The following LAMTOR3 variants were observed in gnomAD, a reference collection of about 807,000 sequenced individuals.
The protein encoded by LAMTOR3 is late endosomal/lysosomal adaptor, MAPK and MTOR activator 3.
In LAMTOR3, 14 loss-of-function variants were observed where a neutral mutation model predicts 20.3. That is an observed-to-expected ratio of 0.69 (90% CI 0.46 to 1.08). The LOEUF is 1.08. LAMTOR3 is among the 50% of genes least tolerant of loss of function. The pLI, the probability that LAMTOR3 is intolerant of heterozygous loss-of-function variation, is 0.00. For missense variants in LAMTOR3, 125 were observed against 143.7 expected, an observed-to-expected ratio of 0.87 and a Z score of 0.67; for synonymous variants, 40 against 49.4, an observed-to-expected ratio of 0.81 and a Z score of 0.80.
chr4:99,885,006 A>G (rs1166757198), intron 5 of LAMTOR3, among the ~76,000 whole-genome samples: 1 of 152,156 alleles, frequency 6.6e-6, no homozygotes, highest in Non-Finnish European at 1.5e-5. Flanking sequence ...TCAATTGATT[A>G]GGAAACATCG....
chr4:99,886,430 T>C (rs1206058974), intron 4 of LAMTOR3, among the ~76,000 whole-genome samples: 2 of 152,206 alleles, frequency 1.3e-5, no homozygotes, highest in Non-Finnish European at 2.9e-5. Flanking sequence ...TTTGTTCTTA[T>C]AATGTGTTTG....
intron 2 of LAMTOR3, among the ~76,000 whole-genome samples, chr4:99,893,475 A>G (rs1187374973): frequency 6.6e-6 from 1 of 151,008 alleles, no homozygotes; most frequent in Non-Finnish European, 1.5e-5. Context: ...ATCCTCCTAC[A>G]CACACACACA....
chr4:99,884,794 G>A (rs988155558), intron 5 of LAMTOR3, among the ~76,000 whole-genome samples: 2 of 151,918 alleles, frequency 1.3e-5, no homozygotes, highest in South Asian at 4.2e-4. Context: ...GTGAAAGTCC[G>A]TCTCTACCAA....
intron 3 of LAMTOR3, 23 bp downstream of exon 3, chr4:99,891,977 A>G (rs1725030441): frequency 1.3e-6 from 2 of 1,564,194 alleles, no homozygotes; most frequent in East Asian, 4.8e-5. Flanking sequence ...AATTTATTCA[A>G]TAACAAATTA....
At chr4:99,889,869 A>G (rs1724992511) in intron 3 of LAMTOR3, among the ~76,000 whole-genome samples, 1 of 152,216 alleles carries the variant, frequency 6.6e-6, no homozygotes, top group Non-Finnish European at 1.5e-5. Flanking sequence ...CTTTAAATAC[A>G]ACTAATGCTC....
At chr4:99,889,849 A>G (rs1724992334) in intron 3 of LAMTOR3, among the ~76,000 whole-genome samples, 1 of 152,240 alleles carries the variant, frequency 6.6e-6, no homozygotes, top group African/African-American at 2.4e-5. Context: ...TTAAATTTCC[A>G]TGGAAATTAC....
intron 4 of LAMTOR3, 36 bp downstream of exon 4, chr4:99,887,260 C>A (rs1356206684): frequency 7.1e-7 from 1 of 1,401,736 alleles, no homozygotes; most frequent in Non-Finnish European, 9.8e-7. Context: ...TAGTCAAAAG[C>A]AAAGAAGACA....
chr4:99,891,568 T>C (rs1156604098), intron 3 of LAMTOR3, among the ~76,000 whole-genome samples: 2 of 152,172 alleles, frequency 1.3e-5, no homozygotes, highest in Non-Finnish European at 2.9e-5. Context: ...TAGCAAAGCA[T>C]GTAGTTTTGT....
At position 99,879,219 on chromosome 4, in the gene LAMTOR3, C is replaced by G. The variant is rs190490044; in HGVS notation, c.*2775G>C. ...AGTCTTTTTTCTGGGTGAGTACATACCATTGATATCTAGTTGTGCATTCAG... is the reference window on the plus strand; with the variant it reads ...AGTCTTTTTTCTGGGTGAGTACATAGCATTGATATCTAGTTGTGCATTCAG... On this transcript the variant is annotated 3_prime_UTR_variant, in exon 7 of 7. Coordinates refer to ENST00000499666, the MANE Select transcript of LAMTOR3 (RefSeq NM_021970.4). The G allele has an allele frequency of 1.1e-4, 16 of 152,230 alleles. No homozygotes were observed. The highest frequency in any genetic ancestry group is 3.6e-4 in the African/African-American group (15 of 41,530). 9.4% of individuals were successfully genotyped at this position (152,230 alleles called of 1,614,324 possible).
intron 2 of LAMTOR3, 144 bp downstream of exon 2, chr4:99,893,811 T>C (rs962220234): frequency 1.6e-5 from 9 of 549,140 alleles, no homozygotes; most frequent in East Asian, 3.1e-5. Flanking sequence ...CCACTTCAGA[T>C]ATCAGAGAAA....
At chr4:99,885,131 AT>A (rs1344504171) in intron 5 of LAMTOR3, among the ~76,000 whole-genome samples, 4 of 152,182 alleles carry the variant, frequency 2.6e-5, no homozygotes, top group African/African-American at 7.2e-5. Flanking sequence ...TTTATTACAT[AT>A]ATATATTTCC....
rs1316374836 is a variant in LAMTOR3, at chr4:99,879,624, A to C, written c.*2370T>G. On this transcript the variant is annotated 3_prime_UTR_variant, in exon 7 of 7. Transcript: ENST00000499666. ...TATTTCAATTGTAACAATTAACTACAGTCATGTGTTACGTAACAATGTGGA... is the reference window on the plus strand; with the variant it reads ...TATTTCAATTGTAACAATTAACTACCGTCATGTGTTACGTAACAATGTGGA... The C allele has an allele frequency of 6.6e-6, 1 of 152,158 alleles. No homozygotes were observed. The highest frequency in any genetic ancestry group is 1.5e-5 in the Non-Finnish European group (1 of 68,026). The allele number at this position is 152,158 out of a possible 1,614,324, so 9.4% of individuals were successfully genotyped here.
intron 3 of LAMTOR3, among the ~76,000 whole-genome samples, chr4:99,889,368 CAAG>C (rs1176885630): frequency 6.6e-6 from 1 of 152,076 alleles, no homozygotes; most frequent in Non-Finnish European, 1.5e-5. Context: ...AACTGTCCAT[CAAG>C]AAGGACAAGG....
At chr4:99,890,657 T>A (rs1725005820) in intron 3 of LAMTOR3, among the ~76,000 whole-genome samples, 1 of 152,164 alleles carries the variant, frequency 6.6e-6, no homozygotes, top group Non-Finnish European at 1.5e-5. Flanking sequence ...ACTAATACCT[T>A]TCCTGCCATT....
chr4:99,884,114 A>G lies in LAMTOR3; in HGVS notation c.249T>C (p.Phe83=). 1 of 1,612,048 alleles carries G rather than the reference A, an allele frequency of 6.2e-7. No homozygotes were observed. Among genetic ancestry groups the G allele is most frequent in the Non-Finnish European group, 8.5e-7 (1 of 1,178,660 alleles). The change falls in exon 6 of 7, where the codon TTT becomes TTC. Residue 83 remains phenylalanine, a synonymous_variant. Transcript: ENST00000499666. ...AACTCACCACCAAAGGTAAACGATTAAATTGAACCACCTAAAAAGAAAATA... is the reference window on the plus strand; with the variant it reads ...AACTCACCACCAAAGGTAAACGATTGAATTGAACCACCTAAAAAGAAAATA... ...CYYNTYQVVQ[F]NRLPLVVSFI...
rs1482823738 is a variant in LAMTOR3 at position 99,893,977 on chromosome 4, C to T, written c.-14G>A. The T allele has an allele frequency of 1.3e-6, 2 of 1,550,852 alleles. No individual in the cohort carries two copies. Among genetic ancestry groups the T allele is most frequent in the Admixed American group, 3.7e-5 (2 of 54,708 alleles). ...CACATCCGCCATGATGAACCCCCTT[C>T]TCTCGCAGGATCAATCTCCACGCCT... On this transcript the variant is annotated 5_prime_UTR_variant, in exon 2 of 7. Transcript: ENST00000499666.
chr4:99,894,268 T>C (rs1319189786), intron 1 of LAMTOR3, 67 bp downstream of exon 1: 1 of 338,564 alleles, frequency 3.0e-6, no homozygotes, highest in Non-Finnish European at 5.3e-6. Context: ...TCTCCTTCTG[T>C]TTAATCTCAC....
Position 99,882,025 on chromosome 4 carries a change from T to A in LAMTOR3, c.344A>T (p.Glu115Val). ...SLEKELAPLFEELRQVVEVS is the reference protein window; with the variant it reads ...SLEKELAPLFVELRQVVEVS ...AACTTCCACAACTTGTCTCAGTTCT[T>A]CAAACAATGGAGCAAGTTCCTTTTC... Residue 115 changes from glutamate (E) to valine (V), a missense_variant, in exon 7 of 7, where the codon GAA becomes GTA. Transcript: ENST00000499666. 6.2e-7 allele frequency: 1 copy of A among 1,601,468 alleles called. No homozygotes were observed. The highest frequency in any genetic ancestry group is 8.5e-7 in the Non-Finnish European group (1 of 1,175,542).
rs1215288362 is a variant in LAMTOR3, at chr4:99,881,621, C to T, written c.*373G>A. The T allele has an allele frequency of 1.2e-5, 2 of 171,090 alleles. No individual in the cohort carries two copies. The highest frequency in any genetic ancestry group is 2.4e-5 in the African/African-American group (1 of 42,148). 10.6% of individuals were successfully genotyped at this position (171,090 alleles called of 1,614,324 possible). ...ACAATAAAAAGTTGGCTTTATTCTGCAAGCCTGGGCATATTGTACAATTGG... is the reference window on the plus strand; with the variant it reads ...ACAATAAAAAGTTGGCTTTATTCTGTAAGCCTGGGCATATTGTACAATTGG... On this transcript the variant is annotated 3_prime_UTR_variant, in exon 7 of 7. Coordinates refer to ENST00000499666, the MANE Select transcript of LAMTOR3 (RefSeq NM_021970.4).
Sources: gnomAD v4.1 joint callset for allele counts (sites outside exome capture counted in the v4.1 genomes callset) on GRCh38, gnomAD v4.1.1 for gene constraint, MANE v1.5 for transcripts, NCBI Gene and HGNC (gene_info 2026-07-23, HGNC 2026-07-21) for gene names.